PDE10A: variants seen among roughly 807,000 people sequenced by gnomAD.
PDE10A encodes the protein phosphodiesterase 10A.
In PDE10A, 39 loss-of-function variants were observed where a neutral mutation model predicts 97.7. The ratio of observed to expected loss-of-function variants is 0.40; its 90% confidence interval spans 0.31 to 0.52. The LOEUF (loss-of-function observed/expected upper bound fraction) is 0.52, where lower values mean the gene tolerates loss of function less well. PDE10A is among the 20% of genes least tolerant of loss of function. The pLI, the probability that PDE10A is intolerant of heterozygous loss-of-function variation, is 0.56. For synonymous variants in PDE10A, 371 were observed against 376.8 expected (o/e 0.98, Z 0.18); for missense variants, 731 against 1,047.8 (o/e 0.70, Z 4.17).
intron 1 of PDE10A, among the ~76,000 whole-genome samples, chr6:165,794,965 C>A (rs908277042): frequency 2.0e-5 from 3 of 152,156 alleles, no homozygotes; most frequent in South Asian, 2.1e-4. Context: ...GAAAAATATT[C>A]AAATTATATA....
At chr6:165,461,244 A>T (rs1778309766) in intron 3 of PDE10A, among the ~76,000 whole-genome samples, 1 of 152,194 alleles carries the variant, frequency 6.6e-6, no homozygotes, top group African/African-American at 2.4e-5. Context: ...AATTCCAAAA[A>T]ATTGGCCTTT....
At chr6:165,615,694 G>T (rs1406880082) in intron 1 of PDE10A, among the ~76,000 whole-genome samples, 2 of 152,114 alleles carry the variant, frequency 1.3e-5, no homozygotes, top group Non-Finnish European at 2.9e-5. Context: ...GGTCAGTTTA[G>T]ATAATTAATT....
chr6:165,494,691 T>A (rs1780438406), intron 2 of PDE10A, among the ~76,000 whole-genome samples: 1 of 152,096 alleles, frequency 6.6e-6, no homozygotes, highest in African/African-American at 2.4e-5. Flanking sequence ...TGAGAATGCA[T>A]TTTGAACAAT....
Position 165,487,895 on chromosome 6 carries a change from G to A in PDE10A, c.995-5552C>T, listed in dbSNP as rs376153344. 1.4e-4 allele frequency among the ~76,000 whole-genome samples: 21 copies of A among 152,092 alleles called. No individual in the cohort carries two copies. The East Asian group carries it at 3.3e-3, about 24-fold the overall frequency. ...TGCACACTTGCAGCACACACTCAGC[G>A]GTGAAGTACCAGAACAGCATTTCAC... On this transcript the variant is annotated intron_variant, in intron 2 of 21. Transcript: ENST00000539869.
At chr6:165,646,105 C>T (rs1029430827) in intron 1 of PDE10A, among the ~76,000 whole-genome samples, 1 of 152,162 alleles carries the variant, frequency 6.6e-6, no homozygotes, top group African/African-American at 2.4e-5. Flanking sequence ...GGAACAGTTC[C>T]ACGGCAGCAT....
At chr6:165,441,140 C>T (rs1358900191) in intron 5 of PDE10A, among the ~76,000 whole-genome samples, 2 of 152,178 alleles carry the variant, frequency 1.3e-5, no homozygotes, top group Admixed American at 6.5e-5. Context: ...GCCCAAGAGA[C>T]ATCCTTTACT....
At chr6:165,913,654 C>T (rs10946106) in intron 1 of PDE10A, among the ~76,000 whole-genome samples, 24,352 of 152,134 alleles carry the variant, frequency 0.16, 2,098 homozygotes, top group Non-Finnish European at 0.19. Flanking sequence ...TATGTATGAA[C>T]GTGGAAACAC....
intron 1 of PDE10A, among the ~76,000 whole-genome samples, chr6:165,962,707 C>A (rs1363332594): frequency 6.6e-6 from 1 of 152,176 alleles, no homozygotes; most frequent in Non-Finnish European, 1.5e-5. Flanking sequence ...CCCAAACTAG[C>A]CAGCAGAGGC....
At chr6:165,430,165 A>G (rs1278042462) in intron 9 of PDE10A, 122 bp downstream of exon 9, 8 of 662,386 alleles carry the variant, frequency 1.2e-5, no homozygotes, top group Non-Finnish European at 1.3e-5. Flanking sequence ...TTCCCAGACT[A>G]CTTGTAAAGA....
chr6:165,805,819 G>T (rs565669785), intron 1 of PDE10A, among the ~76,000 whole-genome samples: 2 of 152,052 alleles, frequency 1.3e-5, no homozygotes, highest in South Asian at 4.2e-4. Flanking sequence ...ACATGCTCTA[G>T]GAGGAGCCGG....
intron 2 of PDE10A, among the ~76,000 whole-genome samples, chr6:165,525,531 T>C (rs1782387656): frequency 6.6e-6 from 1 of 151,182 alleles, no homozygotes; most frequent in Non-Finnish European, 1.5e-5. Flanking sequence ...GACCTACTCA[T>C]CCCAGCCTTA....
chr6:165,588,663 G>A (rs1786069149), intron 1 of PDE10A, among the ~76,000 whole-genome samples: 2 of 152,076 alleles, frequency 1.3e-5, no homozygotes, highest in South Asian at 2.1e-4. Flanking sequence ...TAAAAAGAGG[G>A]AAAACCTACA....
At chr6:165,500,060 C>T (rs79527993) in intron 2 of PDE10A, among the ~76,000 whole-genome samples, 3,473 of 152,252 alleles carry the variant, frequency 0.023, 72 homozygotes, top group Non-Finnish European at 0.034. Context: ...CGCCCCACTC[C>T]TATTCAACAA....
At chr6:165,745,097 A>T (rs1792814622) in intron 1 of PDE10A, among the ~76,000 whole-genome samples, 1 of 152,208 alleles carries the variant, frequency 6.6e-6, no homozygotes, top group African/African-American at 2.4e-5. Context: ...GCTTTTACTT[A>T]GATACTAGCA....
chr6:165,910,444 G>A (rs1468781952), intron 1 of PDE10A, among the ~76,000 whole-genome samples: 1 of 152,176 alleles, frequency 6.6e-6, no homozygotes, highest in East Asian at 1.9e-4. Flanking sequence ...CTTTCTGTTT[G>A]GAAGATTCAC....
chr6:165,533,286 G>A (rs1390526801), intron 2 of PDE10A, among the ~76,000 whole-genome samples: 2 of 152,132 alleles, frequency 1.3e-5, no homozygotes, highest in East Asian at 3.9e-4. Context: ...ACGCATTGTT[G>A]TAATTCACTG....
intron 2 of PDE10A, among the ~76,000 whole-genome samples, chr6:165,508,361 T>G (rs1781321880): frequency 6.6e-6 from 1 of 152,058 alleles, no homozygotes. Context: ...TGTAACTGTT[T>G]TGAGATTCAT....
At chr6:165,441,616 AG>A in intron 5 of PDE10A, among the ~76,000 whole-genome samples, 1 of 151,918 alleles carries the variant, frequency 6.6e-6, no homozygotes, top group Non-Finnish European at 1.5e-5. Flanking sequence ...ACTACTTACT[AG>A]GAAGTTTTCC....
chr6:165,955,897 T>C (rs1013188438), intron 1 of PDE10A, among the ~76,000 whole-genome samples: 3 of 152,238 alleles, frequency 2.0e-5, no homozygotes, highest in Non-Finnish European at 2.9e-5. Flanking sequence ...ATTTGATTCA[T>C]ATAAAAATTC....
Sources: allele counts gnomAD v4.1 joint callset (sites outside exome capture counted in the v4.1 genomes callset), GRCh38; gene constraint gnomAD v4.1.1; transcripts MANE v1.5; gene names NCBI Gene and HGNC (gene_info 2026-07-23, HGNC 2026-07-21).